Variants in ARHGAP24 observed in about 807,000 individuals in gnomAD.
ARHGAP24 encodes Rho GTPase activating protein 24.
In ARHGAP24, 50 loss-of-function variants were observed where a neutral mutation model predicts 76.4. The observed-to-expected ratio is 0.65, with a 90% CI of 0.52 to 0.83. ARHGAP24 has a LOEUF of 0.83. Ranked by LOEUF, ARHGAP24 falls within the 40% of genes least tolerant of loss-of-function variation. The probability of loss-of-function intolerance (pLI) is 0.00; values close to 1 mark genes in which losing one functional copy is unlikely to be tolerated. For missense variants in ARHGAP24, 930 were observed against 914.2 expected, an observed-to-expected ratio of 1.02 and a Z score of -0.22; for synonymous variants, 345 against 323.3, an observed-to-expected ratio of 1.07 and a Z score of -0.72.
At chr4:85,996,530 T>A (rs1381861781) in intron 9 of ARHGAP24, among the ~76,000 whole-genome samples, 1 of 152,208 alleles carries the variant, frequency 6.6e-6, no homozygotes, top group Non-Finnish European at 1.5e-5. Context: ...TAATTTACCT[T>A]AATATGTTTC....
intron 3 of ARHGAP24, among the ~76,000 whole-genome samples, chr4:85,828,944 A>G (rs1729855873): frequency 6.6e-6 from 1 of 152,192 alleles, no homozygotes; most frequent in African/African-American, 2.4e-5. Context: ...AAGAAAAAGA[A>G]TATCAGATTT....
At chr4:85,567,299 A>G (rs919498475) in intron 1 of ARHGAP24, among the ~76,000 whole-genome samples, 2 of 152,220 alleles carry the variant, frequency 1.3e-5, no homozygotes, top group Non-Finnish European at 2.9e-5. Flanking sequence ...TTGGAAGGCT[A>G]TTAGAATCAT....
At chr4:85,659,787 G>A (rs1362099399) in intron 2 of ARHGAP24, among the ~76,000 whole-genome samples, 1 of 152,064 alleles carries the variant, frequency 6.6e-6, no homozygotes, top group Non-Finnish European at 1.5e-5. Flanking sequence ...GAGAAAAAGG[G>A]GAAATTATGT....
intron 1 of ARHGAP24, among the ~76,000 whole-genome samples, chr4:85,562,378 A>T (rs2110136340): frequency 6.6e-6 from 1 of 152,226 alleles, no homozygotes; most frequent in East Asian, 1.9e-4. Context: ...CATGAGTTCT[A>T]AAGGTATTGC....
chr4:85,681,531 G>A (rs772323280), intron 2 of ARHGAP24, among the ~76,000 whole-genome samples: 8 of 152,192 alleles, frequency 5.3e-5, no homozygotes, highest in Non-Finnish European at 1.0e-4. Context: ...CTGGTCAATA[G>A]TAGATAGCAG....
intron 2 of ARHGAP24, among the ~76,000 whole-genome samples, chr4:85,645,244 C>T (rs1343369685): frequency 3.3e-5 from 5 of 152,110 alleles, no homozygotes; most frequent in African/African-American, 1.2e-4. Context: ...AAGTTATTTT[C>T]ACGCTCTGGT....
intron 5 of ARHGAP24, among the ~76,000 whole-genome samples, chr4:85,957,101 G>T (rs1388893375): frequency 6.6e-6 from 1 of 152,096 alleles, no homozygotes; most frequent in Non-Finnish European, 1.5e-5. Flanking sequence ...GTTGCAAGCC[G>T]CTTGTTTAAA....
At chr4:85,915,422 C>CTTAT (rs912644982) in intron 3 of ARHGAP24, among the ~76,000 whole-genome samples, 1 of 152,024 alleles carries the variant, frequency 6.6e-6, no homozygotes, top group Admixed American at 6.6e-5. Flanking sequence ...TCATCACTTT[C>CTTAT]TTATTTATTT....
rs1321635618 is a variant in ARHGAP24, at chr4:85,784,953, ATCTATCTC to A, written c.268+62997_268+63004del. ...TATCTATCTATCTATCTATCTATCTATCTATCTCTCTATCTCTCTATCTGCTTTCCTAT... is the reference window on the plus strand; with the variant it reads ...TATCTATCTATCTATCTATCTATCTATCTATCTCTCTATCTGCTTTCCTAT... On this transcript the variant is annotated intron_variant, in intron 3 of 9. Transcript: ENST00000395184. Among the ~76,000 whole-genome samples the A allele has an allele frequency of 3.2e-3, 351 of 110,996 alleles. 3 individuals carry two copies. The highest frequency in any genetic ancestry group is 0.011 in the African/African-American group (315 of 28,388). The allele number at this position is 110,996 out of a possible 152,430, so 72.8% of individuals were successfully genotyped here.
chr4:85,684,185 T>G (rs770159684), intron 2 of ARHGAP24, among the ~76,000 whole-genome samples: 5 of 152,218 alleles, frequency 3.3e-5, no homozygotes, highest in Non-Finnish European at 7.3e-5. Context: ...AACTGTTTTC[T>G]ATAATGGCTT....
chr4:85,890,791 T>C (rs992404854), intron 3 of ARHGAP24, among the ~76,000 whole-genome samples: 1 of 152,158 alleles, frequency 6.6e-6, no homozygotes, highest in African/African-American at 2.4e-5. Context: ...TCTCTGAGGA[T>C]GAATTGTTTT....
intron 3 of ARHGAP24, among the ~76,000 whole-genome samples, chr4:85,884,036 G>A (rs915338718): frequency 6.6e-6 from 1 of 152,076 alleles, no homozygotes; most frequent in African/African-American, 2.4e-5. Flanking sequence ...TATAGAATCT[G>A]GTCTCACAAA....
chr4:85,514,366 CACTTT>C (rs1416223581), intron 1 of ARHGAP24, among the ~76,000 whole-genome samples: 2 of 152,150 alleles, frequency 1.3e-5, no homozygotes, highest in Non-Finnish European at 2.9e-5. Flanking sequence ...AAACTACTTT[CACTTT>C]AATCTACTTT....
chr4:85,590,520 T>C (rs13150577), intron 2 of ARHGAP24, among the ~76,000 whole-genome samples: 139,074 of 151,800 alleles, frequency 0.92, 63,751 homozygotes, highest in East Asian at 0.98. Flanking sequence ...CCACCACGCC[T>C]AGTTAATTTT....
intron 8 of ARHGAP24, among the ~76,000 whole-genome samples, chr4:85,989,297 A>C (rs993867074): frequency 6.6e-6 from 1 of 151,644 alleles, no homozygotes; most frequent in Admixed American, 6.6e-5. Flanking sequence ...TGGAGATGAA[A>C]TGTTCAAGTT....
intron 1 of ARHGAP24, among the ~76,000 whole-genome samples, chr4:85,508,018 A>ATT (rs1724133374): frequency 6.6e-6 from 1 of 151,694 alleles, no homozygotes; most frequent in African/African-American, 2.4e-5. Context: ...ATCCATGGAC[A>ATT]TTTTTATATC....
intron 1 of ARHGAP24, among the ~76,000 whole-genome samples, chr4:85,523,013 C>T (rs565752356): frequency 9.9e-5 from 15 of 152,190 alleles, no homozygotes; most frequent in African/African-American, 3.1e-4. Context: ...GCTGGTCATT[C>T]GACTCTTTGG....
intron 1 of ARHGAP24, among the ~76,000 whole-genome samples, chr4:85,494,574 G>A (rs540537202): frequency 2.6e-5 from 4 of 151,734 alleles, no homozygotes; most frequent in Non-Finnish European, 4.4e-5. Context: ...TCAGCTACCC[G>A]GGAGGCTGAG....
intron 2 of ARHGAP24, among the ~76,000 whole-genome samples, chr4:85,603,462 G>T (rs1424265820): frequency 6.6e-6 from 1 of 152,096 alleles, no homozygotes; most frequent in Non-Finnish European, 1.5e-5. Context: ...GTTTTCCAAA[G>T]CATCCTTGTA....
Sources: allele counts gnomAD v4.1 joint callset (sites outside exome capture counted in the v4.1 genomes callset), GRCh38; gene constraint gnomAD v4.1.1; transcripts MANE v1.5; gene names NCBI Gene and HGNC (gene_info 2026-07-23, HGNC 2026-07-21).